The following MACROD2 variants were observed in gnomAD, a reference collection of about 807,000 sequenced individuals.
MACROD2 encodes the protein ADP-ribose glycohydrolase MACROD2.
A neutral mutation model predicts 70.4 loss-of-function variants in MACROD2; 36 were observed. The observed-to-expected ratio is 0.51, with a 90% CI of 0.39 to 0.68. MACROD2 has a LOEUF of 0.68. Among genes scored for constraint, MACROD2 ranks in the 30% least tolerant of loss-of-function variants. MACROD2 has a pLI of 0.00. For synonymous variants in MACROD2, 172 were observed against 178.8 expected (o/e 0.96, Z 0.30); for missense variants, 496 against 538.4 (o/e 0.92, Z 0.78).
At chr20:14,099,641 CACAT>C (rs1230859084) in intron 3 of MACROD2, among the ~76,000 whole-genome samples, 2 of 152,058 alleles carry the variant, frequency 1.3e-5, no homozygotes, top group Non-Finnish European at 2.9e-5. Context: ...AACATGGTAA[CACAT>C]TTGTGTGTGG....
At chr20:15,075,127 G>A (rs1488700280) in intron 5 of MACROD2, among the ~76,000 whole-genome samples, 1 of 152,110 alleles carries the variant, frequency 6.6e-6, no homozygotes, top group Admixed American at 6.6e-5. Flanking sequence ...AGCCAGTATA[G>A]TAACATATGT....
At chr20:15,071,713 C>G (rs184247601) in intron 5 of MACROD2, among the ~76,000 whole-genome samples, 1 of 152,244 alleles carries the variant, frequency 6.6e-6, no homozygotes, top group African/African-American at 2.4e-5. Flanking sequence ...AAACAATGAA[C>G]AGTGCTGTAA....
chr20:15,728,050 T>G (rs979553872), intron 8 of MACROD2, among the ~76,000 whole-genome samples: 2 of 152,062 alleles, frequency 1.3e-5, no homozygotes, highest in Non-Finnish European at 2.9e-5. Context: ...TCTTAGATGG[T>G]TCTGATTATT....
At chr20:14,212,316 A>G (rs1258926221) in intron 3 of MACROD2, among the ~76,000 whole-genome samples, 1 of 152,172 alleles carries the variant, frequency 6.6e-6, no homozygotes, top group Non-Finnish European at 1.5e-5. Context: ...TAAAGTGAGT[A>G]TAGTATATGG....
Position 15,340,689 on chromosome 20 carries a change from G to A in MACROD2, c.541-90716G>A, listed in dbSNP as rs528954885. Reference sequence around the variant, plus strand: ...AGACTTTGGCTTTTAGCACCCTTCCGATGCAGTGCCTTTCTTCCCTGATTG... The same window carrying A: ...AGACTTTGGCTTTTAGCACCCTTCCAATGCAGTGCCTTTCTTCCCTGATTG... On this transcript the variant is annotated intron_variant, in intron 6 of 17. Transcript: ENST00000684519. Among the ~76,000 whole-genome samples, 4 of 151,984 alleles carry A rather than the reference G, an allele frequency of 2.6e-5. No individual in the cohort carries two copies. In the South Asian group the frequency reaches 6.2e-4, roughly 24 times the overall value.
intron 5 of MACROD2, among the ~76,000 whole-genome samples, chr20:14,707,478 C>T (rs2071283301): frequency 6.6e-6 from 1 of 152,144 alleles, no homozygotes; most frequent in African/African-American, 2.4e-5. Context: ...TGTCCTGCCT[C>T]CCTCTAGAAC....
intron 3 of MACROD2, among the ~76,000 whole-genome samples, chr20:14,465,188 T>C (rs1392596559): frequency 1.3e-5 from 2 of 152,022 alleles, no homozygotes; most frequent in African/African-American, 4.8e-5. Context: ...TTGTAGGTCA[T>C]TCAGGACTTG....
At chr20:15,216,520 GA>G (rs1261547078) in intron 5 of MACROD2, among the ~76,000 whole-genome samples, 2 of 152,080 alleles carry the variant, frequency 1.3e-5, no homozygotes, top group African/African-American at 2.4e-5. Context: ...TCAACATTCG[GA>G]GAGAAAAAAT....
intron 5 of MACROD2, among the ~76,000 whole-genome samples, chr20:15,150,043 TG>T (rs2076257983): frequency 7.0e-6 from 1 of 142,986 alleles, no homozygotes; most frequent in Non-Finnish European, 1.6e-5. Flanking sequence ...AAGGAGTTGT[TG>T]TTTTGTAGAA....
chr20:15,258,571 G>T (rs571334695), intron 6 of MACROD2, among the ~76,000 whole-genome samples: 1 of 152,164 alleles, frequency 6.6e-6, no homozygotes, highest in East Asian at 1.9e-4. Context: ...TACAGCCTAG[G>T]TATGTAGTAG....
chr20:16,042,763 C>T (rs1429223258), intron 16 of MACROD2, among the ~76,000 whole-genome samples: 1 of 152,038 alleles, frequency 6.6e-6, no homozygotes, highest in Non-Finnish European at 1.5e-5. Context: ...GTTGCTGCAT[C>T]TGGGGCCAGT....
chr20:14,987,400 G>A (rs1037900225), intron 5 of MACROD2, among the ~76,000 whole-genome samples: 2 of 152,094 alleles, frequency 1.3e-5, no homozygotes, highest in African/African-American at 4.8e-5. Flanking sequence ...TGTTGCCGCC[G>A]TTGTTATTAA....
intron 8 of MACROD2, among the ~76,000 whole-genome samples, chr20:15,546,396 G>A (rs910925066): frequency 1.8e-4 from 28 of 152,278 alleles, no homozygotes; most frequent in Middle Eastern, 3.4e-3. Flanking sequence ...TGCATTGTAA[G>A]GATGAGAAAA....
At chr20:15,298,570 G>A (rs1435535023) in intron 6 of MACROD2, among the ~76,000 whole-genome samples, 1 of 152,190 alleles carries the variant, frequency 6.6e-6, no homozygotes, top group African/African-American at 2.4e-5. Context: ...CCAGACATTG[G>A]TCAAGTTTAT....
intron 6 of MACROD2, among the ~76,000 whole-genome samples, chr20:15,251,033 A>T (rs1045923831): frequency 6.6e-6 from 1 of 152,182 alleles, no homozygotes; most frequent in African/African-American, 2.4e-5. Flanking sequence ...AGAGAGTAGG[A>T]ATGTTGTCTA....
rs115006475 is a variant in MACROD2, at chr20:14,002,752, G to A, written c.163+348G>A. Among the ~76,000 whole-genome samples the A allele has an allele frequency of 4.4e-3, 676 of 151,988 alleles. 4 individuals are homozygous for A. Among genetic ancestry groups the A allele is most frequent in the African/African-American group, 0.015 (642 of 41,482 alleles). ...GTTTGCTTTAAGTTCATTTATAATCGATTATCTTATGTTATTTTTAGGATT... is the reference window on the plus strand; with the variant it reads ...GTTTGCTTTAAGTTCATTTATAATCAATTATCTTATGTTATTTTTAGGATT... On this transcript the variant is annotated intron_variant, in intron 2 of 17. Coordinates refer to ENST00000684519, the MANE Select transcript of MACROD2 (RefSeq NM_001351661.2).
chr20:14,291,159 GTT>G (rs1431846718), intron 3 of MACROD2, among the ~76,000 whole-genome samples: 6 of 152,094 alleles, frequency 3.9e-5, no homozygotes, highest in Admixed American at 2.0e-4. Context: ...CCATTTATTT[GTT>G]TATTCCTCTG....
chr20:14,327,121 T>C (rs754648246), intron 3 of MACROD2: 3 of 1,613,784 alleles, frequency 1.9e-6, no homozygotes, highest in Admixed American at 1.7e-5. Flanking sequence ...TTCTTCCAGA[T>C]AGGGAATTTT....
At chr20:14,701,905 A>T (rs548647991) in intron 5 of MACROD2, among the ~76,000 whole-genome samples, 1 of 152,250 alleles carries the variant, frequency 6.6e-6, no homozygotes, top group East Asian at 1.9e-4. Context: ...TATTCCTATT[A>T]TATATGAGGA....
Sources: gnomAD v4.1 joint callset for allele counts (sites outside exome capture counted in the v4.1 genomes callset) on GRCh38, gnomAD v4.1.1 for gene constraint, MANE v1.5 for transcripts, NCBI Gene and HGNC (gene_info 2026-07-23, HGNC 2026-07-21) for gene names.